The following CACNA1C variants were observed in gnomAD, a reference collection of about 807,000 sequenced individuals.
CACNA1C encodes the protein voltage-dependent L-type calcium channel subunit alpha-1C.
A neutral mutation model predicts 229.0 loss-of-function variants in CACNA1C; 30 were observed. That is an observed-to-expected ratio of 0.13 (90% CI 0.10 to 0.18). The LOEUF (loss-of-function observed/expected upper bound fraction) is 0.18, where lower values mean the gene tolerates loss of function less well. Ranked by LOEUF, CACNA1C falls within the 10% of genes least tolerant of loss-of-function variation. The pLI is 1.00. For synonymous variants in CACNA1C, 1,114 were observed against 1,132.5 expected (o/e 0.98, Z 0.33); for missense variants, 1,658 against 2,845.0 (o/e 0.58, Z 9.49).
At chr12:2,565,546 C>G (rs1374054307) in intron 11 of CACNA1C, among the ~76,000 whole-genome samples, 1 of 150,940 alleles carries the variant, frequency 6.6e-6, no homozygotes, top group Non-Finnish European at 1.5e-5. Context: ...TTGGGGCTTG[C>G]GGACCAGTGG....
intron 3 of CACNA1C, among the ~76,000 whole-genome samples, chr12:2,327,521 C>T (rs1437657034): frequency 1.3e-5 from 2 of 152,170 alleles, no homozygotes; most frequent in African/African-American, 4.8e-5. Context: ...CTGTGGTCCA[C>T]GGTAGAATGA....
chr12:2,138,684 C>T (rs1009471742), intron 3 of CACNA1C, among the ~76,000 whole-genome samples: 8 of 151,056 alleles, frequency 5.3e-5, no homozygotes, highest in East Asian at 3.9e-4. Context: ...AGCCACACGC[C>T]GGGCTCCCCT....
rs1271417108 is a variant in CACNA1C at position 2,488,398 on chromosome 12, C to T, written c.916+2136C>T. Among the ~76,000 whole-genome samples the T allele has an allele frequency of 1.3e-5, 2 of 152,286 alleles. No homozygotes were observed. Among genetic ancestry groups the T allele is most frequent in the East Asian group, 1.9e-4 (1 of 5,166 alleles). On this transcript the variant is annotated intron_variant, in intron 6 of 46. Transcript: ENST00000399655. This position sits in a 1 kb window ranked among gnomAD's most constrained non-coding sequence, Gnocchi z 4.0. Reference sequence around the variant, plus strand: ...AGGGAGCCGTCCTGAAGGCCATAGCCGTAGGGCCCAGTGAAGAGGTCGCCC... The same window carrying T: ...AGGGAGCCGTCCTGAAGGCCATAGCTGTAGGGCCCAGTGAAGAGGTCGCCC...
intron 30 of CACNA1C, among the ~76,000 whole-genome samples, chr12:2,638,748 G>A (rs1339731906): frequency 6.6e-6 from 1 of 152,208 alleles, no homozygotes; most frequent in Non-Finnish European, 1.5e-5. Flanking sequence ...TGCCCAGGAG[G>A]ACTGGGAGGT....
At chr12:2,477,026 T>C (rs2099633316) in intron 5 of CACNA1C, among the ~76,000 whole-genome samples, 1 of 152,234 alleles carries the variant, frequency 6.6e-6, no homozygotes, top group Non-Finnish European at 1.5e-5. Flanking sequence ...GAGAACTATC[T>C]GCCTTCCTAG....
intron 3 of CACNA1C, among the ~76,000 whole-genome samples, chr12:2,204,839 T>C: frequency 7.1e-6 from 1 of 140,024 alleles, no homozygotes; most frequent in Non-Finnish European, 1.6e-5. Context: ...ATATACCTAA[T>C]GCTAGATGAT....
intron 3 of CACNA1C, among the ~76,000 whole-genome samples, chr12:2,184,664 G>A (rs2096941633): frequency 6.6e-6 from 1 of 152,154 alleles, no homozygotes; most frequent in South Asian, 2.1e-4. Flanking sequence ...TGTCAACCAT[G>A]TTCTAGGCAT....
intron 3 of CACNA1C, among the ~76,000 whole-genome samples, chr12:2,234,960 G>A (rs2066753645): frequency 6.6e-6 from 1 of 152,106 alleles, no homozygotes; most frequent in South Asian, 2.1e-4. Flanking sequence ...CATGGGTGAG[G>A]TTCTCACAAA....
chr12:2,211,974 G>C (rs2097934701), intron 3 of CACNA1C, among the ~76,000 whole-genome samples: 1 of 152,056 alleles, frequency 6.6e-6, no homozygotes, highest in Non-Finnish European at 1.5e-5. Context: ...ACCCGCCTCA[G>C]CCTCCCAACG....
intron 3 of CACNA1C, among the ~76,000 whole-genome samples, chr12:2,414,732 C>T (rs986151473): frequency 1.5e-4 from 23 of 152,116 alleles, no homozygotes; most frequent in Admixed American, 1.5e-3. Flanking sequence ...AACCTTTGGA[C>T]TTTGCTTAAC....
chr12:2,189,079 C>T lies in CACNA1C; in HGVS notation c.477+68649C>T, dbSNP rs192925226. ...CTACACTCCAGCCTGCGCGACAGAA[C>T]GAGACTCCGTCTCAAAAAAAAAAAA... On this transcript the variant is annotated intron_variant, in intron 3 of 46. Transcript: ENST00000399655. 2.0e-3 allele frequency among the ~76,000 whole-genome samples: 239 copies of T among 122,364 alleles called. 2 individuals carry two copies. Among genetic ancestry groups the T allele is most frequent in the African/African-American group, 7.7e-3 (217 of 28,136 alleles). 80.3% of individuals were successfully genotyped at this position (122,364 alleles called of 152,430 possible).
At chr12:2,347,653 G>T (rs2238073) in intron 3 of CACNA1C, among the ~76,000 whole-genome samples, 14,817 of 152,290 alleles carry the variant, frequency 0.097, 764 homozygotes, top group South Asian at 0.14. Context: ...CAGTCTCATA[G>T]CTCCTGCCTT....
chr12:2,372,114 G>A (rs1287626139), intron 3 of CACNA1C, among the ~76,000 whole-genome samples: 3 of 152,112 alleles, frequency 2.0e-5, no homozygotes, highest in Admixed American at 6.5e-5. Context: ...GAAACCCCTC[G>A]TTATAAGAAC....
chr12:2,585,487 C>G lies in CACNA1C; in HGVS notation c.2451C>G (p.Pro817=). The G allele has an allele frequency of 3.2e-6, 5 of 1,561,100 alleles. No homozygotes were observed. Among genetic ancestry groups the G allele is most frequent in the Non-Finnish European group, 4.3e-6 (5 of 1,152,014 alleles). Residue 817 remains proline (P), a synonymous_variant, in exon 17 of 47, where the codon CCC becomes CCG. Transcript: ENST00000399655. This position sits in a 1 kb window ranked among gnomAD's most constrained non-coding sequence, Gnocchi z 4.1. ...KSITADGESP[P]ATKINMDDLQ... ...TCACGGCTGACGGAGAGTCTCCACC[C>G]GCCACCAAGGTGAGGAGCTGTCTCC...
At chr12:2,129,223 G>A (rs1400927643) in intron 3 of CACNA1C, among the ~76,000 whole-genome samples, 3 of 152,204 alleles carry the variant, frequency 2.0e-5, no homozygotes, top group African/African-American at 7.2e-5. Context: ...TAGGAAAGGA[G>A]CAAAGACCAC....
intron 13 of CACNA1C, among the ~76,000 whole-genome samples, chr12:2,581,297 G>A (rs2060401152): frequency 6.6e-6 from 1 of 152,192 alleles, no homozygotes. Flanking sequence ...AGGCAGGGAA[G>A]TGAAATGTCT....
chr12:2,479,458 T>G lies in CACNA1C; in HGVS notation c.758-6646T>G, dbSNP rs2099656170. 6.6e-6 allele frequency among the ~76,000 whole-genome samples: 1 copy of G among 152,202 alleles called. No individual in the cohort carries two copies. ...AAGAGGAAGGACTTGTAGCGAAGCT[T>G]AGAATTTGCCCACCATCTAGTGACT... On this transcript the variant is annotated intron_variant, in intron 5 of 46. Transcript: ENST00000399655. The surrounding 1 kb of genome is among the most constrained non-coding windows in gnomAD (Gnocchi z 4.3).
At chr12:2,475,298 CA>C (rs797001595) in intron 5 of CACNA1C, among the ~76,000 whole-genome samples, 46 of 134,742 alleles carry the variant, frequency 3.4e-4, no homozygotes, top group East Asian at 4.2e-4. Flanking sequence ...GACTCCATCT[CA>C]AAAAAAAAAA....
intron 9 of CACNA1C, 41 bp downstream of exon 9, chr12:2,513,025 G>C: frequency 6.5e-7 from 1 of 1,530,600 alleles, no homozygotes; most frequent in East Asian, 2.4e-5. Context: ...TGGGTTCTGG[G>C]GGAGAGGAGA....
Sources: allele counts gnomAD v4.1 joint callset (sites outside exome capture counted in the v4.1 genomes callset), GRCh38; gene constraint gnomAD v4.1.1; non-coding constraint Gnocchi (gnomAD v3.1); transcripts MANE v1.5; gene names NCBI Gene and HGNC (gene_info 2026-07-23, HGNC 2026-07-21).